The following TNR variants were observed in gnomAD, a reference collection of about 807,000 sequenced individuals.
The protein encoded by TNR is tenascin-R.
TNR carries 45 observed loss-of-function variants against 150.4 expected under a neutral mutation model. The observed-to-expected ratio is 0.30, with a 90% CI of 0.24 to 0.38. The LOEUF is 0.38. Among genes scored for constraint, TNR ranks in the 10% least tolerant of loss-of-function variants. The pLI, the probability that TNR is intolerant of heterozygous loss-of-function variation, is 1.00. For missense variants in TNR, 1,544 were observed against 1,759.1 expected (o/e 0.88, Z 2.19); for synonymous variants, 687 against 678.4 (o/e 1.01, Z -0.20).
At chr1:175,350,458 T>C (rs1022479632) in intron 18 of TNR, among the ~76,000 whole-genome samples, 1 of 152,214 alleles carries the variant, frequency 6.6e-6, no homozygotes, top group Admixed American at 6.5e-5. Context: ...TGTTTCCTCA[T>C]TTATATTCAT....
At chr1:175,672,965 G>A (rs894186000) in intron 1 of TNR, among the ~76,000 whole-genome samples, 5 of 152,074 alleles carry the variant, frequency 3.3e-5, no homozygotes, top group South Asian at 2.1e-4. Flanking sequence ...CTGCCACAGC[G>A]CTGCTCCAAG....
intron 2 of TNR, among the ~76,000 whole-genome samples, chr1:175,517,496 C>T (rs993601535): frequency 6.6e-6 from 1 of 152,156 alleles, no homozygotes; most frequent in Non-Finnish European, 1.5e-5. Flanking sequence ...CCCTAATCTT[C>T]TCCTTATAAG....
chr1:175,638,721 T>TA (rs2101879268), intron 1 of TNR, among the ~76,000 whole-genome samples: 1 of 152,244 alleles, frequency 6.6e-6, no homozygotes, highest in Admixed American at 6.5e-5. Context: ...TGGATGACTC[T>TA]AAAAAAACAC....
intron 20 of TNR, among the ~76,000 whole-genome samples, chr1:175,335,092 C>T (rs768073942): frequency 2.0e-5 from 3 of 152,162 alleles, no homozygotes; most frequent in African/African-American, 4.8e-5. Flanking sequence ...GAAAATCTAA[C>T]TAAGAGGGGG....
chr1:175,600,850 C>A (rs1176222484), intron 1 of TNR, among the ~76,000 whole-genome samples: 1 of 152,214 alleles, frequency 6.6e-6, no homozygotes, highest in Non-Finnish European at 1.5e-5. Context: ...CAAAGCATGA[C>A]ATTTAGTCAG....
intron 4 of TNR, among the ~76,000 whole-genome samples, chr1:175,398,404 C>T (rs116462235): frequency 2.6e-4 from 39 of 152,186 alleles, no homozygotes; most frequent in African/African-American, 8.9e-4. Context: ...TTTAAATAAG[C>T]TTTCAAATGA....
At chr1:175,359,816 G>A (rs1651511005) in intron 14 of TNR, 85 bp from the exon 15 acceptor site, 1 of 1,493,304 alleles carries the variant, frequency 6.7e-7, no homozygotes, top group East Asian at 2.3e-5. Context: ...TCCACTCATG[G>A]TGCAAGACTG....
At chr1:175,727,703 G>A (rs2101950338) in intron 1 of TNR, among the ~76,000 whole-genome samples, 1 of 152,310 alleles carries the variant, frequency 6.6e-6, no homozygotes, top group Non-Finnish European at 1.5e-5. Context: ...GGGCACTTGG[G>A]GAGGGTTGGC....
chr1:175,609,964 A>G (rs1451144010), intron 1 of TNR, among the ~76,000 whole-genome samples: 1 of 152,244 alleles, frequency 6.6e-6, no homozygotes, highest in Non-Finnish European at 1.5e-5. Context: ...AATTACAAAC[A>G]TGTTGGAGTT....
In TNR at chr1:175,384,507, T is replaced by C. The variant is rs1557899457; in HGVS notation, c.1777+1525A>G. 3.3e-5 allele frequency among the ~76,000 whole-genome samples: 5 copies of C among 152,352 alleles called. No homozygotes were observed. The South Asian group carries it at 1.0e-3, about 32-fold the overall frequency. On this transcript the variant is annotated intron_variant, in intron 8 of 22. Coordinates refer to ENST00000367674, the MANE Select transcript of TNR (RefSeq NM_003285.3). The stretch of plus-strand genomic sequence containing the variant: ...AAGAGTATTTTTCAGAAATAAACTT[T>C]GCCTTCTCCATTTTGTCAGTGTCTG...
chr1:175,465,534 C>A (rs1656996096), intron 2 of TNR, among the ~76,000 whole-genome samples: 1 of 152,174 alleles, frequency 6.6e-6, no homozygotes, highest in Admixed American at 6.5e-5. Context: ...GTCAGCAGGG[C>A]CTTGTTTCCC....
At chr1:175,608,989 C>A (rs1663507174) in intron 1 of TNR, among the ~76,000 whole-genome samples, 1 of 152,208 alleles carries the variant, frequency 6.6e-6, no homozygotes, top group Non-Finnish European at 1.5e-5. Context: ...AAGAAACTGT[C>A]CTTCCACAGG....
intron 1 of TNR, among the ~76,000 whole-genome samples, chr1:175,537,059 C>T (rs1660319393): frequency 6.6e-6 from 1 of 152,184 alleles, no homozygotes; most frequent in African/African-American, 2.4e-5. Flanking sequence ...GTGGCCAAAG[C>T]TTGACAGAGA....
At position 175,627,952 on chromosome 1, in the gene TNR, C is replaced by A. The variant is rs553912807; in HGVS notation, c.-164-99583G>T. 1.9e-4 allele frequency among the ~76,000 whole-genome samples: 29 copies of A among 152,270 alleles called. 1 individual carries two copies. Among genetic ancestry groups the A allele is most frequent in the African/African-American group, 6.0e-4 (25 of 41,540 alleles). ...CAGCAGTCTCAGCTGCCCCAATCCA[C>A]GATAGTCAGAATGAGCCAGGACCAC... On this transcript the variant is annotated intron_variant, in intron 1 of 22. Transcript: ENST00000367674.
At chr1:175,460,103 G>A (rs540596041) in intron 2 of TNR, among the ~76,000 whole-genome samples, 1 of 152,286 alleles carries the variant, frequency 6.6e-6, no homozygotes, top group Non-Finnish European at 1.5e-5. Context: ...ATGTCAGAAA[G>A]GTTAATCTGG....
intron 1 of TNR, among the ~76,000 whole-genome samples, chr1:175,716,183 C>A (rs953323814): frequency 1.3e-5 from 2 of 152,192 alleles, no homozygotes. Flanking sequence ...TCTTTTGTGT[C>A]TCAAAGCTCA....
intron 1 of TNR, among the ~76,000 whole-genome samples, chr1:175,641,488 C>G (rs1432868542): frequency 2.0e-5 from 3 of 152,110 alleles, no homozygotes; most frequent in African/African-American, 7.2e-5. Flanking sequence ...GATTAATATA[C>G]TCAATGGCAT....
intron 2 of TNR, among the ~76,000 whole-genome samples, chr1:175,426,924 A>T (rs58147380): frequency 2.4e-5 from 2 of 85,092 alleles, no homozygotes; most frequent in Admixed American, 2.5e-4. Flanking sequence ...ATAAAATATA[A>T]ATATATATAA....
At chr1:175,533,874 C>A (rs1027430114) in intron 1 of TNR, among the ~76,000 whole-genome samples, 53 of 152,064 alleles carry the variant, frequency 3.5e-4, no homozygotes, top group Non-Finnish European at 8.8e-5. Context: ...TGGTGTGCTA[C>A]CATGGGGTTG....
Sources: gnomAD v4.1 joint callset for allele counts (sites outside exome capture counted in the v4.1 genomes callset) on GRCh38, gnomAD v4.1.1 for gene constraint, MANE v1.5 for transcripts, NCBI Gene and HGNC (gene_info 2026-07-23, HGNC 2026-07-21) for gene names.